The following RBFOX1 variants were observed in gnomAD, a reference collection of about 807,000 sequenced individuals.
The protein encoded by RBFOX1 is RNA binding fox-1 homolog 1, also known as RNA binding protein fox-1 homolog 1.
In RBFOX1, 8 loss-of-function variants were observed where a neutral mutation model predicts 57.7. The observed-to-expected ratio is 0.14, with a 90% CI of 0.08 to 0.25. The LOEUF is 0.25. Among genes scored for constraint, RBFOX1 ranks in the 10% least tolerant of loss-of-function variants. The pLI is 1.00. For missense variants in RBFOX1, 611 were observed against 548.5 expected, an observed-to-expected ratio of 1.11 and a Z score of -1.14; for synonymous variants, 326 against 222.4, an observed-to-expected ratio of 1.47 and a Z score of -4.15.
chr16:7,427,735 A>C (rs2098635533), intron 4 of RBFOX1, among the ~76,000 whole-genome samples: 1 of 150,196 alleles, frequency 6.7e-6, no homozygotes, highest in Non-Finnish European at 1.5e-5. Context: ...CTCACTGCAA[A>C]CTCCACCTCC....
intron 3 of RBFOX1, among the ~76,000 whole-genome samples, chr16:5,703,459 G>T (rs1408208356): frequency 2.0e-5 from 3 of 152,148 alleles, no homozygotes; most frequent in Non-Finnish European, 2.9e-5. Flanking sequence ...AGCTGGGAGT[G>T]GCATGAGGCG....
intron 2 of RBFOX1, among the ~76,000 whole-genome samples, chr16:6,396,656 G>A (rs1279771477): frequency 6.6e-6 from 1 of 152,084 alleles, no homozygotes; most frequent in East Asian, 1.9e-4. Context: ...ACAAAAATCA[G>A]CACTCTTCTG....
At chr16:5,372,120 A>G (rs1235578578) in intron 1 of RBFOX1, among the ~76,000 whole-genome samples, 1 of 152,106 alleles carries the variant, frequency 6.6e-6, no homozygotes. Context: ...CTCTAAGATG[A>G]AGGATTGTGA....
intron 2 of RBFOX1, among the ~76,000 whole-genome samples, chr16:6,557,056 CAT>C (rs947466412): frequency 1.4e-5 from 2 of 141,714 alleles, no homozygotes; most frequent in Non-Finnish European, 3.1e-5. Context: ...CATATATATA[CAT>C]ATATACATAC....
chr16:6,466,234 A>AT (rs908326137), intron 2 of RBFOX1, among the ~76,000 whole-genome samples: 1 of 152,016 alleles, frequency 6.6e-6, no homozygotes, highest in Non-Finnish European at 1.5e-5. Flanking sequence ...TATCTCAAAA[A>AT]AAAAAAAAAG....
At chr16:6,749,787 A>G (rs1346420747) in intron 3 of RBFOX1, among the ~76,000 whole-genome samples, 1 of 152,224 alleles carries the variant, frequency 6.6e-6, no homozygotes, top group Non-Finnish European at 1.5e-5. Context: ...CCTTATGATT[A>G]AAATCACTGA....
intron 2 of RBFOX1, among the ~76,000 whole-genome samples, chr16:6,460,122 G>C (rs1372401152): frequency 6.7e-6 from 1 of 149,730 alleles, no homozygotes; most frequent in African/African-American, 2.5e-5. Flanking sequence ...TTGCAGACTT[G>C]GCAGCTTAAG....
chr16:7,286,860 C>G (rs1287091363), intron 4 of RBFOX1, among the ~76,000 whole-genome samples: 1 of 151,730 alleles, frequency 6.6e-6, no homozygotes, highest in African/African-American at 2.4e-5. Context: ...AACTCCTGAC[C>G]TCAGATGATC....
chr16:6,247,397 T>C (rs1009218047), intron 1 of RBFOX1, among the ~76,000 whole-genome samples: 1 of 152,162 alleles, frequency 6.6e-6, no homozygotes, highest in Non-Finnish European at 1.5e-5. Flanking sequence ...ACATCAACCA[T>C]AAAATGATTG....
At chr16:7,033,120 G>T (rs1406504943) in intron 3 of RBFOX1, among the ~76,000 whole-genome samples, 2 of 152,184 alleles carry the variant, frequency 1.3e-5, no homozygotes, top group Non-Finnish European at 2.9e-5. Flanking sequence ...ATGAGACAGG[G>T]CAGGGAAGAA....
chr16:7,064,745 C>T (rs1159763892), intron 4 of RBFOX1, among the ~76,000 whole-genome samples: 1 of 152,164 alleles, frequency 6.6e-6, no homozygotes, highest in Admixed American at 6.5e-5. Context: ...CTACTAAAAT[C>T]AAAAGCAAAT....
intron 2 of RBFOX1, among the ~76,000 whole-genome samples, chr16:6,590,355 T>C (rs1600787931): frequency 6.6e-6 from 1 of 152,194 alleles, no homozygotes. Flanking sequence ...ATTTTTGTTG[T>C]TTCTTCCCAC....
rs191870594 is a variant in RBFOX1, at chr16:5,650,014, C to G, written c.318+51053C>G. Among the ~76,000 whole-genome samples the G allele has an allele frequency of 1.3e-5, 2 of 152,326 alleles. 1 individual carries two copies. Among genetic ancestry groups the G allele is most frequent in the Admixed American group, 1.3e-4 (2 of 15,304 alleles). On this transcript the variant is annotated intron_variant, in intron 3 of 19. Transcript: ENST00000641259. Reference sequence around the variant, plus strand: ...CAGAGTCGATGTTTTGCAAACACCACATTGCTCTCTACATGAAGCATTGGC... The same window carrying G: ...CAGAGTCGATGTTTTGCAAACACCAGATTGCTCTCTACATGAAGCATTGGC...
intron 5 of RBFOX1, among the ~76,000 whole-genome samples, chr16:7,542,026 G>C (rs1048866603): frequency 3.9e-5 from 6 of 152,164 alleles, no homozygotes; most frequent in African/African-American, 1.4e-4. Context: ...CTTTTGACCT[G>C]AGCTGGGAAG....
rs553437940 is a variant in RBFOX1 at position 6,576,518 on chromosome 16, TGAG to T, written c.-63-78082_-63-78080del. Among the ~76,000 whole-genome samples, 162 of 152,292 alleles carry T rather than the reference TGAG, an allele frequency of 1.1e-3. 1 individual carries two copies. The South Asian group carries it at 0.014, about 13-fold the overall frequency. On this transcript the variant is annotated intron_variant, in intron 2 of 15. Transcript: ENST00000550418. ...CATTCTTCTAAGGGTCTTAAAAACT[TGAG>T]GACATTGAAATGCTATGGCTCACCC... is the stretch of plus-strand genomic sequence containing the variant.
At chr16:7,162,981 C>T (rs1052782562) in intron 4 of RBFOX1, among the ~76,000 whole-genome samples, 1 of 152,160 alleles carries the variant, frequency 6.6e-6, no homozygotes, top group Non-Finnish European at 1.5e-5. Context: ...CACCTGGCAT[C>T]TCCACGATCC....
chr16:6,866,493 A>G (rs1301369292), intron 3 of RBFOX1, among the ~76,000 whole-genome samples: 1 of 148,124 alleles, frequency 6.8e-6, no homozygotes. Flanking sequence ...TGTTTCACAA[A>G]GGACTTTTTT....
chr16:7,206,988 C>A (rs910496998), intron 4 of RBFOX1, among the ~76,000 whole-genome samples: 1 of 152,092 alleles, frequency 6.6e-6, no homozygotes, highest in Admixed American at 6.6e-5. Context: ...CTTTTGCAGC[C>A]AATTTAGCCC....
At position 7,366,674 on chromosome 16, in the gene RBFOX1, T is replaced by C. The variant is rs138602338; in HGVS notation, c.28-151473T>C. Among the ~76,000 whole-genome samples the C allele has an allele frequency of 2.0e-4, 31 of 152,148 alleles. 1 individual carries two copies. In the East Asian group the frequency reaches 5.6e-3, roughly 28 times the overall value. On this transcript the variant is annotated intron_variant, in intron 4 of 15. Coordinates refer to ENST00000550418, the MANE Select transcript of RBFOX1 (RefSeq NM_018723.4). ...TTTTTTTTTTCCCACTTAGATGAAATTTGTCAAGCCTGCATTGTGCTAAGC... is the reference window on the plus strand; with the variant it reads ...TTTTTTTTTTCCCACTTAGATGAAACTTGTCAAGCCTGCATTGTGCTAAGC...
Sources: gnomAD v4.1 joint callset for allele counts (sites outside exome capture counted in the v4.1 genomes callset) on GRCh38, gnomAD v4.1.1 for gene constraint, MANE v1.5 for transcripts, NCBI Gene and HGNC (gene_info 2026-07-23, HGNC 2026-07-21) for gene names.